Variants in ERC2 observed in about 807,000 individuals in gnomAD.
The protein encoded by ERC2 is ELKS/RAB6-interacting/CAST family member 2, also known as ERC protein 2.
In ERC2, 42 loss-of-function variants were observed where a neutral mutation model predicts 114.8. The ratio of observed to expected loss-of-function variants is 0.37; its 90% CI spans 0.29 to 0.47. ERC2 has a LOEUF of 0.47. Ranked by LOEUF, ERC2 falls within the 20% of genes least tolerant of loss-of-function variation. The pLI, the probability that ERC2 is intolerant of heterozygous loss-of-function variation, is 0.99. For missense variants in ERC2, 939 were observed against 1,150.7 expected (o/e 0.82, Z 2.66); for synonymous variants, 454 against 425.5 (o/e 1.07, Z -0.82).
At chr3:56,114,910 A>G (rs571260345) in intron 6 of ERC2, among the ~76,000 whole-genome samples, 1 of 152,332 alleles carries the variant, frequency 6.6e-6, no homozygotes, top group African/African-American at 2.4e-5. Context: ...TTGTCTTTGT[A>G]AAGCCAACAA....
intron 14 of ERC2, among the ~76,000 whole-genome samples, chr3:55,880,608 A>G (rs983592628): frequency 6.6e-6 from 1 of 152,154 alleles, no homozygotes; most frequent in Non-Finnish European, 1.5e-5. Context: ...GAAAGCTGCA[A>G]TAGGCTTTAT....
At chr3:55,763,972 G>A (rs957441753) in intron 14 of ERC2, among the ~76,000 whole-genome samples, 2 of 152,098 alleles carry the variant, frequency 1.3e-5, no homozygotes, top group African/African-American at 2.4e-5. Flanking sequence ...TTATTTTAGT[G>A]CATTCACTAA....
intron 17 of ERC2, among the ~76,000 whole-genome samples, chr3:55,665,493 T>A (rs1022132940): frequency 4.6e-5 from 7 of 152,204 alleles, no homozygotes; most frequent in African/African-American, 1.7e-4. Context: ...GTTGTCCTTA[T>A]AAGAAGGGGA....
intron 6 of ERC2, among the ~76,000 whole-genome samples, chr3:56,107,547 T>C (rs1396230608): frequency 2.0e-5 from 3 of 152,100 alleles, no homozygotes; most frequent in Admixed American, 6.6e-5. Flanking sequence ...AAAGACCCTG[T>C]CCACCTCTGA....
At chr3:55,927,496 G>A (rs1004646423) in intron 13 of ERC2, among the ~76,000 whole-genome samples, 1 of 152,146 alleles carries the variant, frequency 6.6e-6, no homozygotes, top group Non-Finnish European at 1.5e-5. Context: ...TATTTATGGG[G>A]TATATGAGAT....
intron 14 of ERC2, among the ~76,000 whole-genome samples, chr3:55,751,878 T>C (rs942094416): frequency 1.3e-5 from 2 of 152,168 alleles, no homozygotes; most frequent in South Asian, 2.1e-4. Flanking sequence ...TTTATTTGGA[T>C]TGCAAGCAAA....
At chr3:56,329,789 CTA>C (rs35065678) in intron 2 of ERC2, among the ~76,000 whole-genome samples, 1,905 of 146,582 alleles carry the variant, frequency 0.013, 14 homozygotes, top group Non-Finnish European at 0.02. Context: ...TGTATTTCCA[CTA>C]TATATATATA....
chr3:56,019,497 T>C (rs1203204374), intron 7 of ERC2, among the ~76,000 whole-genome samples: 1 of 152,176 alleles, frequency 6.6e-6, no homozygotes, highest in African/African-American at 2.4e-5. Context: ...CTCCTTTATT[T>C]CAGTATTAAA....
chr3:55,830,877 G>C (rs1476258049), intron 14 of ERC2, among the ~76,000 whole-genome samples: 1 of 152,152 alleles, frequency 6.6e-6, no homozygotes, highest in Non-Finnish European at 1.5e-5. Flanking sequence ...CCAGGAATTT[G>C]AGGCTGCAGT....
At chr3:56,101,210 C>T (rs562714165) in intron 6 of ERC2, among the ~76,000 whole-genome samples, 239 of 152,200 alleles carry the variant, frequency 1.6e-3, no homozygotes, top group African/African-American at 5.4e-3. Context: ...CAGGCTGGTG[C>T]GCCTCCAGCC....
At chr3:56,019,928 C>T (rs886313545) in intron 7 of ERC2, among the ~76,000 whole-genome samples, 1 of 152,208 alleles carries the variant, frequency 6.6e-6, no homozygotes, top group Non-Finnish European at 1.5e-5. Context: ...TAAGATAAGT[C>T]CATTCAAAAT....
At chr3:55,813,195 C>T (rs1259699654) in intron 14 of ERC2, among the ~76,000 whole-genome samples, 3 of 152,202 alleles carry the variant, frequency 2.0e-5, no homozygotes, top group African/African-American at 7.2e-5. Context: ...GCTATACAAA[C>T]CTTCTCAGGC....
At chr3:55,697,013 G>A (rs975973886) in intron 16 of ERC2, among the ~76,000 whole-genome samples, 1 of 152,162 alleles carries the variant, frequency 6.6e-6, no homozygotes, top group Non-Finnish European at 1.5e-5. Context: ...TAAGGTATGG[G>A]CCCCTAATTA....
intron 14 of ERC2, among the ~76,000 whole-genome samples, chr3:55,782,508 C>G (rs2069138951): frequency 6.6e-6 from 1 of 152,204 alleles, no homozygotes; most frequent in African/African-American, 2.4e-5. Context: ...ATGTTACAAC[C>G]CCAACAAGTT....
At chr3:56,061,166 A>G (rs1016420706) in intron 7 of ERC2, among the ~76,000 whole-genome samples, 3 of 152,220 alleles carry the variant, frequency 2.0e-5, no homozygotes, top group Non-Finnish European at 4.4e-5. Context: ...GCACGACTGC[A>G]CATAAATAAT....
chr3:56,025,017 G>A (rs796139231), intron 7 of ERC2, among the ~76,000 whole-genome samples: 15 of 152,272 alleles, frequency 9.9e-5, no homozygotes, highest in African/African-American at 3.6e-4. Flanking sequence ...TGTGTCGCAC[G>A]TGGCTGGAAC....
At chr3:55,680,503 A>C (rs73071611) in intron 17 of ERC2, among the ~76,000 whole-genome samples, 46 of 152,376 alleles carry the variant, frequency 3.0e-4, no homozygotes, top group Non-Finnish European at 6.2e-4. Flanking sequence ...TGATACCTAC[A>C]TTAAGTGGAT....
At chr3:56,393,889 T>G (rs2060213092) in intron 2 of ERC2, among the ~76,000 whole-genome samples, 1 of 151,940 alleles carries the variant, frequency 6.6e-6, no homozygotes, top group Non-Finnish European at 1.5e-5. Flanking sequence ...CTTGACCCCC[T>G]GATCACCTGG....
intron 6 of ERC2, among the ~76,000 whole-genome samples, chr3:56,111,494 C>T (rs984022572): frequency 6.6e-6 from 1 of 152,040 alleles, no homozygotes. Flanking sequence ...TATCAAAGGG[C>T]AAAATCTGCC....
Sources: gnomAD v4.1 joint callset for allele counts (sites outside exome capture counted in the v4.1 genomes callset) on GRCh38, gnomAD v4.1.1 for gene constraint, MANE v1.5 for transcripts, NCBI Gene and HGNC (gene_info 2026-07-23, HGNC 2026-07-21) for gene names.